The following TMEM200A variants were observed in gnomAD, a reference collection of about 807,000 sequenced individuals.
TMEM200A encodes the protein two transmembrane C.
A neutral mutation model predicts 24.3 loss-of-function variants in TMEM200A; 12 were observed. The observed-to-expected ratio is 0.49, with a 90% confidence interval of 0.32 to 0.80. The LOEUF (loss-of-function observed/expected upper bound fraction) is 0.80, where lower values mean the gene tolerates loss of function less well. Among genes scored for constraint, TMEM200A ranks in the 30% least tolerant of loss-of-function variants. The pLI is 0.04. For synonymous variants in TMEM200A, 224 were observed against 224.4 expected, an observed-to-expected ratio of 1.00 and a Z score of 0.02; for missense variants, 545 against 614.4, an observed-to-expected ratio of 0.89 and a Z score of 1.19.
intron 2 of TMEM200A, among the ~76,000 whole-genome samples, chr6:130,427,183 T>C (rs1427424698): frequency 6.6e-6 from 1 of 152,160 alleles, no homozygotes; most frequent in African/African-American, 2.4e-5. Flanking sequence ...TACTTAGAGT[T>C]CCATATTGGA....
At chr6:130,384,088 C>T (rs184487492) in intron 1 of TMEM200A, among the ~76,000 whole-genome samples, 1 of 152,070 alleles carries the variant, frequency 6.6e-6, no homozygotes. Flanking sequence ...ACACTGCACT[C>T]CAGCCTGAGT....
intron 2 of TMEM200A, among the ~76,000 whole-genome samples, chr6:130,440,010 C>G (rs148253790): frequency 1.3e-5 from 2 of 150,058 alleles, no homozygotes; most frequent in East Asian, 3.9e-4. Flanking sequence ...ACAGATAACT[C>G]TGTGTGTGTG....
chr6:130,365,949 C>G (rs937479913), upstream of TMEM200A: 6 of 977,136 alleles, frequency 6.1e-6, no homozygotes, highest in African/African-American at 7.9e-5. Flanking sequence ...CCCTGGAAGT[C>G]CGCCCCGGCC....
intron 2 of TMEM200A, among the ~76,000 whole-genome samples, chr6:130,409,985 A>G (rs534859198): frequency 2.6e-5 from 4 of 152,290 alleles, no homozygotes; most frequent in Middle Eastern, 3.4e-3. Context: ...TGCAGTTTGT[A>G]TGACTCTAAC....
chr6:130,401,203 T>G (rs962833229), intron 2 of TMEM200A, among the ~76,000 whole-genome samples: 11 of 152,220 alleles, frequency 7.2e-5, no homozygotes, highest in Admixed American at 6.6e-4. Context: ...GGTGTCATGT[T>G]GATTAATATC....
chr6:130,371,135 G>A (rs905633), intron 1 of TMEM200A, among the ~76,000 whole-genome samples: 73,826 of 151,886 alleles, frequency 0.49, 22,023 homozygotes, highest in African/African-American at 0.85. Flanking sequence ...AATGAAATAG[G>A]CCAGGAGGGA....
At chr6:130,377,536 C>T (rs892725615) in intron 1 of TMEM200A, among the ~76,000 whole-genome samples, 2 of 152,162 alleles carry the variant, frequency 1.3e-5, no homozygotes, top group Non-Finnish European at 2.9e-5. Flanking sequence ...TCTTTATCCT[C>T]CTGCATGTGG....
chr6:130,415,746 G>A (rs1175812166), intron 2 of TMEM200A, among the ~76,000 whole-genome samples: 4 of 152,156 alleles, frequency 2.6e-5, no homozygotes, highest in African/African-American at 9.7e-5. Flanking sequence ...AAACCTAAAA[G>A]AAAAATCTGT....
At chr6:130,436,631 C>CTTTTTTTTTTT (rs1203926640) in intron 2 of TMEM200A, among the ~76,000 whole-genome samples, 1 of 92,922 alleles carries the variant, frequency 1.1e-5, no homozygotes, top group Non-Finnish European at 2.0e-5. Context: ...TTTCTTTATC[C>CTTTTTTTTTTT]TTTTTTTTTT....
intron 2 of TMEM200A, among the ~76,000 whole-genome samples, chr6:130,422,652 A>T (rs1779626022): frequency 6.6e-6 from 1 of 152,114 alleles, no homozygotes; most frequent in Non-Finnish European, 1.5e-5. Context: ...CGTGTCTTTT[A>T]TGTGTCTTCC....
chr6:130,419,221 C>A (rs1779524971), intron 2 of TMEM200A, among the ~76,000 whole-genome samples: 1 of 152,080 alleles, frequency 6.6e-6, no homozygotes, highest in Non-Finnish European at 1.5e-5. Context: ...ACCTCCAGTC[C>A]CATTCATGTT....
chr6:130,441,643 A>G lies in TMEM200A; in HGVS notation c.1221A>G (p.Leu407=). 2 of 1,614,034 alleles carry G rather than the reference A, an allele frequency of 1.2e-6. No individual in the cohort carries two copies. The highest frequency in any genetic ancestry group is 1.7e-6 in the Non-Finnish European group (2 of 1,180,006). ...SLDLDRGPST[L]TVQAEQRKHP... ...ACTTAGACCGGGGTCCCTCCACTCT[A>G]ACTGTTCAGGCAGAACAACGGAAAC... Residue 407 remains leucine, a synonymous_variant, in exon 3 of 3, where the codon CTA becomes CTG. Transcript: ENST00000296978.
At chr6:130,417,458 TAGAA>T (rs1435084296) in intron 2 of TMEM200A, among the ~76,000 whole-genome samples, 1 of 152,176 alleles carries the variant, frequency 6.6e-6, no homozygotes, top group Non-Finnish European at 1.5e-5. Context: ...TAAGTGTGTA[TAGAA>T]AGAATCTTTT....
At chr6:130,409,407 C>T (rs1779282600) in intron 2 of TMEM200A, among the ~76,000 whole-genome samples, 2 of 152,156 alleles carry the variant, frequency 1.3e-5, no homozygotes, top group South Asian at 4.1e-4. Context: ...GGTCTCAGGA[C>T]AGATTGGACC....
intron 1 of TMEM200A, chr6:130,383,100 T>C (rs1778639120): frequency 4.1e-6 from 4 of 981,932 alleles, no homozygotes; most frequent in Non-Finnish European, 4.8e-6. Flanking sequence ...TTATTAAATT[T>C]GTCACATTCA....
chr6:130,436,485 C>CA (rs11462643), intron 2 of TMEM200A, among the ~76,000 whole-genome samples: 32,724 of 114,482 alleles, frequency 0.29, 5,274 homozygotes, highest in African/African-American at 0.49. Flanking sequence ...CAGCATTGAC[C>CA]AAAAAAAAAA....
chr6:130,412,351 C>T (rs1779352299), intron 2 of TMEM200A, among the ~76,000 whole-genome samples: 1 of 152,096 alleles, frequency 6.6e-6, no homozygotes, highest in Admixed American at 6.6e-5. Flanking sequence ...CCCACAGGGA[C>T]TCCTGCCTCT....
intron 1 of TMEM200A, among the ~76,000 whole-genome samples, chr6:130,379,633 G>A (rs557428091): frequency 1.1e-4 from 16 of 152,272 alleles, no homozygotes; most frequent in East Asian, 5.8e-4. Flanking sequence ...CCCTTACTGC[G>A]CATTCTGCAT....
intron 2 of TMEM200A, among the ~76,000 whole-genome samples, chr6:130,401,397 C>CTT (rs1185742451): frequency 3.8e-5 from 5 of 132,896 alleles, no homozygotes; most frequent in African/African-American, 7.0e-5. Flanking sequence ...TTGCTTCTTT[C>CTT]TTTCTTTTTC....
Sources: allele counts gnomAD v4.1 joint callset (sites outside exome capture counted in the v4.1 genomes callset), GRCh38; gene constraint gnomAD v4.1.1; transcripts MANE v1.5; gene names NCBI Gene and HGNC (gene_info 2026-07-23, HGNC 2026-07-21).